DGKZ: variants seen among roughly 807,000 people sequenced by gnomAD.
DGKZ encodes DAG kinase zeta.
DGKZ carries 45 observed loss-of-function variants against 142.5 expected under a neutral mutation model. The observed-to-expected ratio is 0.32, with a 90% CI of 0.25 to 0.40. The LOEUF is 0.40. DGKZ is among the 10% of genes least tolerant of loss of function. The probability of loss-of-function intolerance (pLI) is 1.00; values close to 1 mark genes in which losing one functional copy is unlikely to be tolerated. For missense variants in DGKZ, 755 were observed against 1,306.5 expected, an observed-to-expected ratio of 0.58 and a Z score of 6.51; for synonymous variants, 442 against 527.0, an observed-to-expected ratio of 0.84 and a Z score of 2.21.
At chr11:46,346,936 G>A (rs1940680409), upstream of DGKZ, among the ~76,000 whole-genome samples, 2 of 152,186 alleles carry the variant, frequency 1.3e-5, no homozygotes. Flanking sequence ...GCGAGAGGCT[G>A]GGGTGGGAAG....
chr11:46,333,663 T>G (rs928669719), intron 1 of DGKZ, among the ~76,000 whole-genome samples: 8 of 152,142 alleles, frequency 5.3e-5, no homozygotes, highest in Non-Finnish European at 1.2e-4. Flanking sequence ...CTTCTGAGAC[T>G]CCTTCTCTGC....
At chr11:46,375,216 G>T (rs905521823) in intron 19 of DGKZ, among the ~76,000 whole-genome samples, 171 bp downstream of exon 19, 1 of 152,156 alleles carries the variant, frequency 6.6e-6, no homozygotes, top group Non-Finnish European at 1.5e-5. Context: ...TATGCCTCGG[G>T]ATACCTTCAC....
At chr11:46,354,679 A>G (rs766563049) in intron 1 of DGKZ, among the ~76,000 whole-genome samples, 1 of 152,224 alleles carries the variant, frequency 6.6e-6, no homozygotes, top group Non-Finnish European at 1.5e-5. Flanking sequence ...GGAAACCACA[A>G]TTCTGATTTT....
At chr11:46,366,258 T>C in intron 1 of DGKZ, 6 of 1,577,140 alleles carry the variant, frequency 3.8e-6, no homozygotes, top group South Asian at 1.1e-5. Context: ...CCGCCTGCCA[T>C]GGAGACTTTC....
intron 1 of DGKZ, among the ~76,000 whole-genome samples, chr11:46,339,434 C>CG (rs1183006047): frequency 1.3e-5 from 2 of 152,200 alleles, no homozygotes; most frequent in Admixed American, 6.5e-5. Flanking sequence ...TTGAAAAGGG[C>CG]GGGGCCCAGG....
chr11:46,335,640 G>T (rs1020509256), intron 1 of DGKZ, among the ~76,000 whole-genome samples: 2 of 152,230 alleles, frequency 1.3e-5, no homozygotes, highest in Non-Finnish European at 2.9e-5. Context: ...GGACTCTGCT[G>T]TCACCCTTGG....
At position 46,366,318 on chromosome 11, in the gene DGKZ, A is replaced by G. The variant is rs1317826; in HGVS notation, c.162-973A>G. On this transcript the variant is annotated intron_variant, in intron 1 of 30. Coordinates refer to ENST00000527911, the Ensembl canonical transcript of DGKZ. ...GTGCCAGGCCCTGGAGAGGGGCAGC[A>G]GCGGCCCAGCAGCGTGGGGCTGCCC... 0.31 allele frequency: 490,855 copies of G among 1,573,296 alleles called. 88,564 individuals carry two copies. The highest frequency in any genetic ancestry group is 0.82 in the African/African-American group (60,286 of 73,372).
chr11:46,339,989 TGGA>T (rs1940198497), intron 1 of DGKZ, among the ~76,000 whole-genome samples: 1 of 152,176 alleles, frequency 6.6e-6, no homozygotes, highest in Admixed American at 6.5e-5. Context: ...TATAGATGCC[TGGA>T]AAAGGCTAAT....
intron 15 of DGKZ, 73 bp downstream of exon 15, chr11:46,374,308 C>T (rs1015672784): frequency 6.2e-6 from 10 of 1,611,866 alleles, no homozygotes; most frequent in Middle Eastern, 1.6e-4. Flanking sequence ...ACCCTGCTCC[C>T]GCCAGTGAAG....
At chr11:46,369,130 C>T (rs61882686) in intron 4 of DGKZ, 8 of 325,600 alleles carry the variant, frequency 2.5e-5, no homozygotes, top group African/African-American at 1.1e-4. Flanking sequence ...GAGCCGAGAT[C>T]GCACCACTGC....
At chr11:46,344,977 C>T (rs1940479219), upstream of DGKZ, among the ~76,000 whole-genome samples, 1 of 152,202 alleles carries the variant, frequency 6.6e-6, no homozygotes, top group East Asian at 1.9e-4. Context: ...TCTACACCAC[C>T]TTCCTGTATG....
intron 1 of DGKZ, among the ~76,000 whole-genome samples, chr11:46,355,350 C>T (rs556547185): frequency 1.3e-5 from 2 of 152,146 alleles, no homozygotes; most frequent in African/African-American, 2.4e-5. Flanking sequence ...CCTCGTGATC[C>T]GCCCGCCTCA....
At chr11:46,345,376 A>G, upstream of DGKZ, 1 of 1,361,414 alleles carries the variant, frequency 7.3e-7, no homozygotes, top group Non-Finnish European at 9.4e-7. This position sits in a 1 kb window ranked among gnomAD's most constrained non-coding sequence, Gnocchi z 4.1. Flanking sequence ...CCCCGTCAGG[A>G]AGTGCCGAAA....
intron 1 of DGKZ, among the ~76,000 whole-genome samples, chr11:46,359,728 C>T (rs370344856): frequency 2.0e-4 from 30 of 151,574 alleles, no homozygotes; most frequent in Middle Eastern, 6.9e-3. Context: ...CTCAGCCTCC[C>T]GAGTAGCTGG....
chr11:46,377,026 CCCCACCGTCAGGTG>C, intron 24 of DGKZ, 33 bp from the exon 25 acceptor site: 1 of 1,560,948 alleles, frequency 6.4e-7, no homozygotes, highest in Non-Finnish European at 8.8e-7. Context: ...GCCCCTCGGC[CCCCACCGTCAGGTG>C]CCCTGACCTC....
intron 15 of DGKZ, 50 bp downstream of exon 15, chr11:46,374,285 C>T: frequency 6.2e-7 from 1 of 1,612,240 alleles, no homozygotes; most frequent in Non-Finnish European, 8.5e-7. Flanking sequence ...AGGAGTGTCC[C>T]CGGGAGGGTC....
At chr11:46,377,489 A>C (rs1590642345) in intron 25 of DGKZ, 6 of 469,154 alleles carry the variant, frequency 1.3e-5, no homozygotes, top group Admixed American at 4.0e-5. Flanking sequence ...ACTCCTCCCC[A>C]CCCCTACTGC....
At chr11:46,368,125 G>A in intron 4 of DGKZ, 46 bp downstream of exon 4, 1 of 1,600,842 alleles carries the variant, frequency 6.2e-7, no homozygotes, top group Non-Finnish European at 8.6e-7. Context: ...TTTGGGTGCT[G>A]AGGCCCTTTC....
Position 46,379,240 on chromosome 11 carries a change from A to T in DGKZ, c.2573+4A>T, listed in dbSNP as rs771450739. 9 of 1,613,094 alleles carry T rather than the reference A, an allele frequency of 5.6e-6. No individual in the cohort carries two copies. The highest frequency in any genetic ancestry group is 6.8e-6 in the Non-Finnish European group (8 of 1,179,960). On this transcript the variant is annotated splice_donor_region_variant and intron_variant, in intron 29 of 30. Coordinates refer to ENST00000527911, the Ensembl canonical transcript of DGKZ. ...TCCTTGATGCGGTGGAGGAAAAGTAAGTATCTGGGCAGTGCAGAACCGTGG... is the reference window on the plus strand; with the variant it reads ...TCCTTGATGCGGTGGAGGAAAAGTATGTATCTGGGCAGTGCAGAACCGTGG...
Sources: allele counts gnomAD v4.1 joint callset (sites outside exome capture counted in the v4.1 genomes callset), GRCh38; gene constraint gnomAD v4.1.1; non-coding constraint Gnocchi (gnomAD v3.1); transcripts MANE v1.5; gene names NCBI Gene and HGNC (gene_info 2026-07-23, HGNC 2026-07-21).